IFT88: variants seen among roughly 807,000 people sequenced by gnomAD.
IFT88 encodes the protein intraflagellar transport protein 88 homolog.
In IFT88, 74 loss-of-function variants were observed where a neutral mutation model predicts 119.5. That is an observed-to-expected ratio of 0.62 (90% CI 0.51 to 0.75). IFT88 has a LOEUF of 0.75. IFT88 is among the 30% of genes least tolerant of loss of function. The pLI, the probability that IFT88 is intolerant of heterozygous loss-of-function variation, is 0.00. For synonymous variants in IFT88, 279 were observed against 316.7 expected (o/e 0.88, Z 1.26); for missense variants, 961 against 977.7 (o/e 0.98, Z 0.23).
In IFT88 at chr13:20,589,834, G is replaced by A. The variant is rs1261332821; in HGVS notation, c.177G>A (p.Thr59=). The A allele has an allele frequency of 1.1e-5, 18 of 1,596,848 alleles. No homozygotes were observed. The highest frequency in any genetic ancestry group is 6.7e-5 in the African/African-American group (5 of 74,616). The part of the protein sequence containing the change: ...RPPITAKISS[T]AVTRPIATGY... ...AGATAACTGCTAAAATATCAAGCAC[G>A]GCAGTTACTAGACCTATAGCTACTG... The change falls in exon 4 of 26, where the codon ACG becomes ACA. Residue 59 remains threonine (T), a synonymous_variant. Coordinates refer to ENST00000351808, the MANE Select transcript of IFT88 (RefSeq NM_006531.5).
intron 7 of IFT88, among the ~76,000 whole-genome samples, chr13:20,593,986 A>G (rs2497473): frequency 0.99 from 150,654 of 152,046 alleles, 74,650 homozygotes; most frequent in East Asian, 1. Context: ...AGGAGGTGGT[A>G]GCTGCAGTGA....
chr13:20,621,849 T>C (rs1257469329), intron 14 of IFT88, among the ~76,000 whole-genome samples: 2 of 152,190 alleles, frequency 1.3e-5, no homozygotes, highest in African/African-American at 4.8e-5. Context: ...TAGTATTGTA[T>C]AGAATAGCTT....
chr13:20,690,914 T>G, intron 25 of IFT88, 99 bp downstream of exon 25: 1 of 1,388,734 alleles, frequency 7.2e-7, no homozygotes, highest in East Asian at 2.3e-5. Context: ...GAATTTGATA[T>G]TTACAGATAA....
chr13:20,641,169 A>G (rs2049894717), intron 17 of IFT88, 121 bp from the exon 18 acceptor site: 8 of 636,796 alleles, frequency 1.3e-5, no homozygotes, highest in Non-Finnish European at 2.1e-5. Context: ...ACCTGAGTTC[A>G]TCTTCATTTT....
At chr13:20,674,131 G>A in intron 24 of IFT88, among the ~76,000 whole-genome samples, 1 of 152,094 alleles carries the variant, frequency 6.6e-6, no homozygotes, top group South Asian at 2.1e-4. Flanking sequence ...GCCTTCTCCA[G>A]TTCTCAGCAC....
chr13:20,625,853 A>G lies in IFT88; in HGVS notation c.1299+4A>G. 1 of 1,542,264 alleles carries G rather than the reference A, an allele frequency of 6.5e-7. No individual in the cohort carries two copies. The highest frequency in any genetic ancestry group is 2.3e-5 in the East Asian group (1 of 43,380). On this transcript the variant is annotated splice_donor_region_variant and intron_variant, in intron 15 of 25. Coordinates refer to ENST00000351808, the MANE Select transcript of IFT88 (RefSeq NM_006531.5). ...GAGACAAAAAGACTATAACCAAGTAAGTTTTAAAAAAAATTTTAGATGGAA... is the reference window on the plus strand; with the variant it reads ...GAGACAAAAAGACTATAACCAAGTAGGTTTTAAAAAAAATTTTAGATGGAA...
intron 18 of IFT88, chr13:20,642,993 A>G (rs1036652194): frequency 3.3e-5 from 5 of 149,256 alleles, no homozygotes; most frequent in African/African-American, 1.2e-4. Context: ...TACACCGAAG[A>G]CTTAGTAGGT....
intron 25 of IFT88, 75 bp downstream of exon 25, chr13:20,690,890 CT>C: frequency 7.2e-7 from 1 of 1,383,004 alleles, no homozygotes; most frequent in Non-Finnish European, 1.0e-6. Flanking sequence ...AAAGGTGTTG[CT>C]GGGAATTCTT....
intron 24 of IFT88, among the ~76,000 whole-genome samples, chr13:20,677,867 C>A (rs2056871792): frequency 6.6e-6 from 1 of 152,130 alleles, no homozygotes; most frequent in Admixed American, 6.6e-5. Context: ...AAGTAAGAAC[C>A]ACTATATTCA....
chr13:20,641,510 A>T, intron 18 of IFT88, 112 bp downstream of exon 18: 2 of 615,032 alleles, frequency 3.3e-6, no homozygotes, highest in Non-Finnish European at 5.7e-6. Flanking sequence ...TAATATTTGA[A>T]GTAAGTGATG....
intron 20 of IFT88, among the ~76,000 whole-genome samples, chr13:20,650,649 A>C (rs1460274483): frequency 2.6e-5 from 4 of 152,208 alleles, no homozygotes; most frequent in Non-Finnish European, 5.9e-5. Flanking sequence ...ATGCATCTAC[A>C]TGGGAAGAGA....
intron 20 of IFT88, among the ~76,000 whole-genome samples, chr13:20,649,871 A>G (rs537192090): frequency 7.0e-4 from 107 of 152,278 alleles, no homozygotes; most frequent in African/African-American, 2.4e-3. Flanking sequence ...TCAACAAATT[A>G]GATAACCTAG....
chr13:20,643,379 A>T, intron 18 of IFT88, 76 bp from the exon 19 acceptor site: 1 of 1,096,682 alleles, frequency 9.1e-7, no homozygotes, highest in Non-Finnish European at 1.3e-6. Flanking sequence ...AAATATTGTT[A>T]CTGTAATGTT....
chr13:20,690,015 G>C (rs2058326105), intron 24 of IFT88, among the ~76,000 whole-genome samples: 1 of 152,176 alleles, frequency 6.6e-6, no homozygotes, highest in African/African-American at 2.4e-5. Flanking sequence ...CCTTAGAGAA[G>C]ACTTACTATT....
At chr13:20,657,136 G>A (rs1325798327) in intron 22 of IFT88, among the ~76,000 whole-genome samples, 5 of 152,210 alleles carry the variant, frequency 3.3e-5, no homozygotes, top group African/African-American at 1.2e-4. Flanking sequence ...GATTACAGGC[G>A]TGAGCCACTG....
At chr13:20,581,537 G>A (rs184393150) in intron 2 of IFT88, among the ~76,000 whole-genome samples, 1 of 152,224 alleles carries the variant, frequency 6.6e-6, no homozygotes, top group East Asian at 1.9e-4. Context: ...ACTGAGAATC[G>A]TGTAATTTTA....
intron 3 of IFT88, among the ~76,000 whole-genome samples, chr13:20,585,692 A>T (rs1449658995): frequency 6.6e-6 from 1 of 151,932 alleles, no homozygotes; most frequent in Non-Finnish European, 1.5e-5. Flanking sequence ...AAACAAAGAC[A>T]CTCCCGTCAG....
intron 16 of IFT88, among the ~76,000 whole-genome samples, chr13:20,635,414 G>T (rs910416026): frequency 2.0e-5 from 3 of 152,124 alleles, no homozygotes; most frequent in African/African-American, 7.2e-5. Context: ...AGGGATGGAG[G>T]CACATCACAG....
At chr13:20,666,086 G>A (rs902094951) in intron 23 of IFT88, among the ~76,000 whole-genome samples, 37 of 152,164 alleles carry the variant, frequency 2.4e-4, no homozygotes, top group African/African-American at 8.4e-4. Context: ...CCATAGAACC[G>A]AAACCCAATT....
Sources: allele counts gnomAD v4.1 joint callset (sites outside exome capture counted in the v4.1 genomes callset), GRCh38; gene constraint gnomAD v4.1.1; transcripts MANE v1.5; gene names NCBI Gene and HGNC (gene_info 2026-07-23, HGNC 2026-07-21).